The following HSH2D variants were observed in gnomAD, a reference collection of about 807,000 sequenced individuals.
HSH2D encodes hematopoietic SH2 domain-containing protein.
HSH2D carries 16 observed loss-of-function variants against 21.5 expected under a neutral mutation model. That is an observed-to-expected ratio of 0.74 (90% CI 0.50 to 1.13). The LOEUF (loss-of-function observed/expected upper bound fraction) is 1.13, where lower values mean the gene tolerates loss of function less well. HSH2D is among the 50% of genes most tolerant of loss of function. The pLI is 0.00. For synonymous variants in HSH2D, 172 were observed against 184.7 expected (o/e 0.93, Z 0.56); for missense variants, 418 against 441.4 (o/e 0.95, Z 0.47).
chr19:16,147,440 G>T (rs2091086762), intron 1 of HSH2D, among the ~76,000 whole-genome samples: 1 of 149,886 alleles, frequency 6.7e-6, no homozygotes, highest in African/African-American at 2.4e-5. Context: ...GCCAAGATGG[G>T]GCCACTGCAC....
chr19:16,157,687 T>G lies in HSH2D; in HGVS notation c.952T>G (p.Ser318Ala). 1.9e-6 allele frequency: 3 copies of G among 1,613,218 alleles called. No homozygotes were observed. Among genetic ancestry groups the G allele is most frequent in the Non-Finnish European group, 2.5e-6 (3 of 1,179,648 alleles). Residue 318 changes from serine to alanine, a missense_variant, in exon 6 of 6, where the codon TCC becomes GCC. By Grantham distance (99) the Ser-to-Ala change is moderately conservative. Coordinates refer to ENST00000613986, the MANE Select transcript of HSH2D (RefSeq NM_001382417.1). The surrounding 1 kb of genome is among the most constrained non-coding windows in gnomAD (Gnocchi z 4.4). Reference protein sequence around the residue: ...SWHQMVVRALSSQESKPEHQG... With the variant: ...SWHQMVVRALASQESKPEHQG... ...GCACCAAATGGTAGTGAGAGCCCTA[T>G]CCTCCCAGGAGTCCAAGCCAGAGCA...
chr19:16,140,109 G>A (rs1331955969), upstream of HSH2D, among the ~76,000 whole-genome samples: 3 of 152,032 alleles, frequency 2.0e-5, no homozygotes, highest in Non-Finnish European at 2.9e-5. Context: ...TAAGAGCCCC[G>A]ATGGTCAGAC....
At chr19:16,143,386 C>T (rs1398973633), upstream of HSH2D, among the ~76,000 whole-genome samples, 2 of 152,122 alleles carry the variant, frequency 1.3e-5, no homozygotes, top group Admixed American at 6.6e-5. Context: ...ACCCGTTCCC[C>T]GTTCTCCCTT....
At chr19:16,151,098 C>T (rs536323993) in intron 2 of HSH2D, among the ~76,000 whole-genome samples, 11 of 152,042 alleles carry the variant, frequency 7.2e-5, no homozygotes, top group South Asian at 2.1e-4. Context: ...CCGAGGCGGG[C>T]GGATCACCAG....
chr19:16,141,750 C>G (rs1447947779), upstream of HSH2D, among the ~76,000 whole-genome samples: 1 of 152,030 alleles, frequency 6.6e-6, no homozygotes, highest in Non-Finnish European at 1.5e-5. Flanking sequence ...ATAGTGAAAC[C>G]TTGTCTCTAC....
At chr19:16,144,435 C>T (rs2091035909) in intron 1 of HSH2D, among the ~76,000 whole-genome samples, 1 of 150,782 alleles carries the variant, frequency 6.6e-6, no homozygotes, top group Non-Finnish European at 1.5e-5. Context: ...GGAGCTCTTC[C>T]AAGTAAAAAA....
intron 1 of HSH2D, among the ~76,000 whole-genome samples, chr19:16,137,203 A>G (rs558680275): frequency 6.6e-5 from 10 of 152,328 alleles, no homozygotes; most frequent in Middle Eastern, 3.4e-3. Context: ...ATGGCTATGA[A>G]GAGCCAGGGA....
upstream of HSH2D, among the ~76,000 whole-genome samples, chr19:16,140,074 C>T (rs2090989925): frequency 6.6e-6 from 1 of 152,104 alleles, no homozygotes; most frequent in Admixed American, 6.6e-5. Context: ...CCCCATGTTC[C>T]TGGAAACTCT....
In HSH2D at chr19:16,152,534, C is replaced by G; in HGVS notation, c.126-18C>G. On this transcript the variant is annotated intron_variant, in intron 2 of 5. Transcript: ENST00000613986. ...GCGGCTGGACTGTTTCATTTCCTTTCTGTGTGTGCCCTTCCAGGGATGCTG... is the reference window on the plus strand; with the variant it reads ...GCGGCTGGACTGTTTCATTTCCTTTGTGTGTGTGCCCTTCCAGGGATGCTG... 3.4e-6 allele frequency: 5 copies of G among 1,455,620 alleles called. No homozygotes were observed. Among genetic ancestry groups the G allele is most frequent in the South Asian group, 3.1e-5 (2 of 65,538 alleles). 90.2% of individuals were successfully genotyped at this position (1,455,620 alleles called of 1,614,324 possible).
At chr19:16,134,430 C>A (rs182255428) in intron 1 of HSH2D, among the ~76,000 whole-genome samples, 1 of 152,254 alleles carries the variant, frequency 6.6e-6, no homozygotes, top group Non-Finnish European at 1.5e-5. Context: ...TTTTAATATC[C>A]GTAGGGAACT....
At chr19:16,135,060 GGAGTTCA>G (rs60613582) in intron 1 of HSH2D, among the ~76,000 whole-genome samples, 21,460 of 151,784 alleles carry the variant, frequency 0.14, 1,766 homozygotes, top group East Asian at 0.29. Context: ...CCTGAGGTCA[GGAGTTCA>G]GAGTTCAAGA....
chr19:16,156,835 A>C (rs754761990), intron 5 of HSH2D, among the ~76,000 whole-genome samples: 1 of 152,096 alleles, frequency 6.6e-6, no homozygotes, highest in Non-Finnish European at 1.5e-5. Flanking sequence ...TGAAAATACA[A>C]AAATTAGCCA....
At chr19:16,145,298 C>T (rs541382568) in intron 1 of HSH2D, among the ~76,000 whole-genome samples, 32 of 151,510 alleles carry the variant, frequency 2.1e-4, no homozygotes, top group African/African-American at 5.8e-4. Context: ...CTGCAACCTC[C>T]GCCTCCCAGA....
At position 16,148,725 on chromosome 19, in the gene HSH2D, T is replaced by G; in HGVS notation, c.-26T>G. 1 of 1,613,772 alleles carries G rather than the reference T, an allele frequency of 6.2e-7. No homozygotes were observed. The highest frequency in any genetic ancestry group is 8.5e-7 in the Non-Finnish European group (1 of 1,179,792). Reference sequence around the variant, plus strand: ...GTCTTCCCTCCCTTCTCTACCCAGGTGACCTTCCCTCCACCCCAGGAAGCT... The same window carrying G: ...GTCTTCCCTCCCTTCTCTACCCAGGGGACCTTCCCTCCACCCCAGGAAGCT... On this transcript the variant is annotated splice_region_variant and 5_prime_UTR_variant, in exon 2 of 6. Transcript: ENST00000613986.
At chr19:16,153,546 G>A (rs2091193987) in intron 4 of HSH2D, among the ~76,000 whole-genome samples, 1 of 151,040 alleles carries the variant, frequency 6.6e-6, no homozygotes, top group African/African-American at 2.5e-5. Flanking sequence ...TCCTTAGAAG[G>A]CTCAGTGGGT....
chr19:16,138,648 G>A (rs1449924639), intron 1 of HSH2D, among the ~76,000 whole-genome samples: 2 of 152,040 alleles, frequency 1.3e-5, no homozygotes, highest in Non-Finnish European at 2.9e-5. Flanking sequence ...GGTAGAGACA[G>A]GGTTTCACCA....
intron 1 of HSH2D, among the ~76,000 whole-genome samples, chr19:16,144,740 T>TGGA (rs1370912390): frequency 7.1e-6 from 1 of 140,150 alleles, no homozygotes; most frequent in Non-Finnish European, 1.5e-5. Flanking sequence ...TCGCCCAGGC[T>TGGA]GGAGTGCAGT....
rs1323465392 is a variant in HSH2D at position 16,157,305 on chromosome 19, C to T, written c.570C>T (p.Cys190=). 1.2e-6 allele frequency: 2 copies of T among 1,612,442 alleles called. No homozygotes were observed. The highest frequency in any genetic ancestry group is 1.1e-5 in the South Asian group (1 of 90,940). The stretch of plus-strand genomic sequence containing the variant: ...CCACCAAGGAAGCCACTTCCTCCTG[C>T]CCCCCAAAATCCCCTCTTGGAGAGA... ...RITTKEATSS[C]PPKSPLGETR... The change falls in exon 6 of 6, where the codon TGC becomes TGT. Residue 190 remains cysteine (C), a synonymous_variant. Transcript: ENST00000613986. The surrounding 1 kb of genome is among the most constrained non-coding windows in gnomAD (Gnocchi z 4.4).
upstream of HSH2D, among the ~76,000 whole-genome samples, chr19:16,141,599 C>T (rs534786233): frequency 1.3e-5 from 2 of 152,274 alleles, no homozygotes; most frequent in African/African-American, 4.8e-5. Context: ...CCAGCCTGGA[C>T]CACATCGGTC....
Sources: gnomAD v4.1 joint callset for allele counts (sites outside exome capture counted in the v4.1 genomes callset) on GRCh38, gnomAD v4.1.1 for gene constraint, Gnocchi (gnomAD v3.1) non-coding constraint, MANE v1.5 for transcripts, NCBI Gene and HGNC (gene_info 2026-07-23, HGNC 2026-07-21) for gene names.